POU2F1: variants seen among roughly 807,000 people sequenced by gnomAD.
POU2F1 encodes the protein POU domain, class 2, transcription factor 1.
A neutral mutation model predicts 84.9 loss-of-function variants in POU2F1; 16 were observed. The ratio of observed to expected loss-of-function variants is 0.19; its 90% CI spans 0.13 to 0.29. The LOEUF is 0.29. Among genes scored for constraint, POU2F1 ranks in the 10% least tolerant of loss-of-function variants. The probability of loss-of-function intolerance (pLI) is 1.00; values close to 1 mark genes in which losing one functional copy is unlikely to be tolerated. For missense variants in POU2F1, 738 were observed against 942.6 expected (o/e 0.78, Z 2.84); for synonymous variants, 368 against 368.3 (o/e 1.00, Z 0.01).
At chr1:167,293,362 C>T (rs1277766474) in intron 1 of POU2F1, among the ~76,000 whole-genome samples, 1 of 152,108 alleles carries the variant, frequency 6.6e-6, no homozygotes. Flanking sequence ...ATCAAGAACC[C>T]AATCCCCTTT....
intron 1 of POU2F1, among the ~76,000 whole-genome samples, chr1:167,239,059 A>C (rs967322003): frequency 1.3e-5 from 2 of 152,168 alleles, no homozygotes; most frequent in Non-Finnish European, 2.9e-5. Flanking sequence ...GTATGGTGTA[A>C]GGTGTAACCC....
intron 3 of POU2F1, among the ~76,000 whole-genome samples, 167 bp from the exon 4 acceptor site, chr1:167,369,994 G>A (rs186645496): frequency 2.6e-3 from 396 of 152,054 alleles, no homozygotes; most frequent in Non-Finnish European, 4.4e-3. Context: ...GGTAGGGTGG[G>A]TTGAGAAGGG....
intron 2 of POU2F1, among the ~76,000 whole-genome samples, chr1:167,360,885 AG>A (rs1217354317): frequency 3.3e-5 from 5 of 152,050 alleles, no homozygotes; most frequent in East Asian, 1.9e-4. Flanking sequence ...AGTGTTTTAT[AG>A]TACTCATAGA....
At chr1:167,265,894 T>C (rs1272162311) in intron 1 of POU2F1, among the ~76,000 whole-genome samples, 1 of 152,234 alleles carries the variant, frequency 6.6e-6, no homozygotes, top group African/African-American at 2.4e-5. Flanking sequence ...AACCCTACCT[T>C]AGGTATTAAA....
intron 2 of POU2F1, among the ~76,000 whole-genome samples, chr1:167,341,479 TC>T (rs1346928103): frequency 1.3e-5 from 2 of 152,194 alleles, no homozygotes; most frequent in African/African-American, 4.8e-5. Context: ...CTTGCTTTTT[TC>T]ATTTGAATTG....
intron 1 of POU2F1, among the ~76,000 whole-genome samples, chr1:167,296,422 C>T (rs996524463): frequency 2.6e-5 from 4 of 151,972 alleles, no homozygotes; most frequent in African/African-American, 9.7e-5. Flanking sequence ...ATTTTTAGGA[C>T]TCTGGTTCAT....
At chr1:167,328,124 A>T (rs535781431) in intron 1 of POU2F1, among the ~76,000 whole-genome samples, 1 of 152,326 alleles carries the variant, frequency 6.6e-6, no homozygotes, top group East Asian at 1.9e-4. Flanking sequence ...ATACCAAGTA[A>T]TTCCACAATT....
intron 2 of POU2F1, chr1:167,338,064 C>T (rs1357141016): frequency 2.2e-6 from 1 of 446,522 alleles, no homozygotes; most frequent in Middle Eastern, 3.8e-4. Context: ...AATGAAAAAG[C>T]AAAAAAGTCA....
At position 167,415,916 on chromosome 1, in the gene POU2F1, T is replaced by C; in HGVS notation, c.*106T>C. The C allele has an allele frequency of 2.5e-6, 3 of 1,219,024 alleles. No homozygotes were observed. Among genetic ancestry groups the C allele is most frequent in the Non-Finnish European group, 3.4e-6 (3 of 869,872 alleles). The allele number at this position is 1,219,024 out of a possible 1,614,324, so 75.5% of individuals were successfully genotyped here. A position where few individuals can be genotyped will look rare whatever the true frequency, so the allele number is the denominator to read the frequency against. On this transcript the variant is annotated 3_prime_UTR_variant, in exon 16 of 16. Transcript: ENST00000367866. ...ATGTGATTGGCTTCCTCTCGCCGTGTTGTGAGGGCAAAGGAGAGAAGGGAG... is the reference window on the plus strand; with the variant it reads ...ATGTGATTGGCTTCCTCTCGCCGTGCTGTGAGGGCAAAGGAGAGAAGGGAG...
intron 1 of POU2F1, among the ~76,000 whole-genome samples, chr1:167,280,338 A>G (rs577301482): frequency 4.1e-5 from 6 of 147,720 alleles, no homozygotes; most frequent in African/African-American, 1.5e-4. Flanking sequence ...GAGAGATTTT[A>G]TTGCCATTAC....
intron 13 of POU2F1, among the ~76,000 whole-genome samples, chr1:167,404,058 T>C (rs547704874): frequency 7.9e-4 from 121 of 152,310 alleles, no homozygotes; most frequent in Non-Finnish European, 1.6e-3. Flanking sequence ...TAAAATCTTA[T>C]ACTGTTCTAA....
intron 1 of POU2F1, among the ~76,000 whole-genome samples, chr1:167,235,858 T>A (rs1272575837): frequency 6.6e-6 from 1 of 152,220 alleles, no homozygotes; most frequent in African/African-American, 2.4e-5. Context: ...TGGTCTGTTC[T>A]GCTGAGACCT....
At chr1:167,263,649 C>T (rs1158701022) in intron 1 of POU2F1, among the ~76,000 whole-genome samples, 1 of 152,174 alleles carries the variant, frequency 6.6e-6, no homozygotes, top group Non-Finnish European at 1.5e-5. Context: ...TATTTTACTA[C>T]TCAAAGCCTT....
At position 167,370,775 on chromosome 1, in the gene POU2F1, G is replaced by A. The variant is rs1659957726; in HGVS notation, c.282+561G>A. Among the ~76,000 whole-genome samples, 4 of 152,162 alleles carry A rather than the reference G, an allele frequency of 2.6e-5. No individual in the cohort carries two copies. In the South Asian group the frequency reaches 8.3e-4, roughly 31 times the overall value. On this transcript the variant is annotated intron_variant, in intron 4 of 15. Transcript: ENST00000367866. The stretch of plus-strand genomic sequence containing the variant: ...GGTTCCTCTCCATCCTAAAATGTTA[G>A]GCTTCTAATAATTGTAATTAAACCT...
intron 1 of POU2F1, among the ~76,000 whole-genome samples, chr1:167,307,882 C>T (rs1357484207): frequency 6.6e-6 from 1 of 152,008 alleles, no homozygotes; most frequent in Non-Finnish European, 1.5e-5. Flanking sequence ...TTCCATAAGT[C>T]TTTTTGATTT....
At chr1:167,405,798 C>T (rs575950256) in intron 13 of POU2F1, among the ~76,000 whole-genome samples, 2 of 152,324 alleles carry the variant, frequency 1.3e-5, no homozygotes, top group South Asian at 4.1e-4. Flanking sequence ...GAAAACACAT[C>T]CTTTTTATGT....
rs565143048 is a variant in POU2F1 at position 167,419,347 on chromosome 1, T to A, written c.*3537T>A. 4.6e-5 allele frequency: 7 copies of A among 152,324 alleles called. No homozygotes were observed. Among genetic ancestry groups the A allele is most frequent in the African/African-American group, 9.6e-5 (4 of 41,588 alleles). The allele number at this position is 152,324 out of a possible 1,614,324, so 9.4% of individuals were successfully genotyped here. On this transcript the variant is annotated 3_prime_UTR_variant, in exon 16 of 16. Transcript: ENST00000367866. ...TCTTTTTTTTTCCCCTTAATGTTTA[T>A]GCAAATTTTATTTTATATTTCTGAA...
intron 1 of POU2F1, among the ~76,000 whole-genome samples, chr1:167,237,904 C>T (rs189482301): frequency 4.3e-3 from 641 of 150,602 alleles, no homozygotes; most frequent in Non-Finnish European, 7.6e-3. Context: ...TTCAGCCTCC[C>T]GAGTAGCTGG....
intron 5 of POU2F1, among the ~76,000 whole-genome samples, chr1:167,372,545 T>C (rs896511880): frequency 6.6e-6 from 1 of 152,250 alleles, no homozygotes; most frequent in African/African-American, 2.4e-5. Context: ...TCTACCTGTT[T>C]TCCTTCTGTT....
Sources: gnomAD v4.1 joint callset for allele counts (sites outside exome capture counted in the v4.1 genomes callset) on GRCh38, gnomAD v4.1.1 for gene constraint, MANE v1.5 for transcripts, NCBI Gene and HGNC (gene_info 2026-07-23, HGNC 2026-07-21) for gene names.